The following EXOC6B variants were observed in gnomAD, a reference collection of about 807,000 sequenced individuals.
The protein encoded by EXOC6B is exocyst complex component 6B.
A neutral mutation model predicts 113.5 loss-of-function variants in EXOC6B; 54 were observed. The ratio of observed to expected loss-of-function variants is 0.48; its 90% CI spans 0.38 to 0.60. The LOEUF (loss-of-function observed/expected upper bound fraction) is 0.60. EXOC6B is among the 20% of genes least tolerant of loss of function. The probability of loss-of-function intolerance (pLI) is 0.00; values close to 1 mark genes in which losing one functional copy is unlikely to be tolerated. For synonymous variants in EXOC6B, 357 were observed against 339.0 expected (o/e 1.05, Z -0.58); for missense variants, 797 against 977.5 (o/e 0.82, Z 2.46).
chr2:72,328,910 A>T (rs948899492), intron 20 of EXOC6B, among the ~76,000 whole-genome samples: 2 of 152,062 alleles, frequency 1.3e-5, no homozygotes, highest in African/African-American at 4.8e-5. Flanking sequence ...TAGTAATGAC[A>T]TCTTCTAATT....
At chr2:72,472,863 T>C (rs935738818) in intron 17 of EXOC6B, among the ~76,000 whole-genome samples, 1 of 152,172 alleles carries the variant, frequency 6.6e-6, no homozygotes, top group Non-Finnish European at 1.5e-5. Flanking sequence ...GTCCCACAGG[T>C]TGTGATATGT....
At chr2:72,423,892 T>C (rs945530748) in intron 18 of EXOC6B, among the ~76,000 whole-genome samples, 2 of 152,240 alleles carry the variant, frequency 1.3e-5, no homozygotes, top group Non-Finnish European at 2.9e-5. Flanking sequence ...ATTTCTTCAT[T>C]ACACATTACT....
intron 20 of EXOC6B, among the ~76,000 whole-genome samples, chr2:72,212,541 T>C (rs922981462): frequency 6.6e-6 from 1 of 152,158 alleles, no homozygotes; most frequent in African/African-American, 2.4e-5. Flanking sequence ...GAGTGCATAA[T>C]AAAACGCCTT....
intron 1 of EXOC6B, among the ~76,000 whole-genome samples, chr2:72,807,498 A>T (rs1298209880): frequency 1.3e-5 from 2 of 152,158 alleles, no homozygotes; most frequent in Non-Finnish European, 2.9e-5. Flanking sequence ...TGCTTTTGCT[A>T]TTCAGGCTCC....
chr2:72,766,911 C>CACT (rs1322060582), intron 1 of EXOC6B, among the ~76,000 whole-genome samples: 6 of 145,436 alleles, frequency 4.1e-5, no homozygotes, highest in Admixed American at 2.7e-4. Flanking sequence ...CCGAGATCAC[C>CACT]ACTGCCCTCC....
chr2:72,812,327 A>C (rs889630568), intron 1 of EXOC6B, among the ~76,000 whole-genome samples: 1 of 152,252 alleles, frequency 6.6e-6, no homozygotes, highest in African/African-American at 2.4e-5. Context: ...AAATCTAACA[A>C]AATATGTGCC....
chr2:72,411,163 G>C (rs1259904405), intron 18 of EXOC6B, among the ~76,000 whole-genome samples: 1 of 152,174 alleles, frequency 6.6e-6, no homozygotes, highest in East Asian at 1.9e-4. Context: ...AGTGAGCTGT[G>C]ATTGTGCCAC....
At chr2:72,586,957 G>A (rs952925080) in intron 6 of EXOC6B, among the ~76,000 whole-genome samples, 1 of 152,166 alleles carries the variant, frequency 6.6e-6, no homozygotes, top group African/African-American at 2.4e-5. Flanking sequence ...CTTATACATT[G>A]TTGGTGGGAA....
intron 20 of EXOC6B, among the ~76,000 whole-genome samples, chr2:72,324,007 G>C (rs1298290517): frequency 2.0e-5 from 3 of 149,632 alleles, no homozygotes; most frequent in South Asian, 2.1e-4. Flanking sequence ...AGAGAAAGCA[G>C]GATTTAAAAA....
At chr2:72,490,647 T>C in intron 16 of EXOC6B, among the ~76,000 whole-genome samples, 1 of 152,134 alleles carries the variant, frequency 6.6e-6, no homozygotes, top group East Asian at 1.9e-4. Context: ...ATACTGAAAG[T>C]ATAGTTCCCT....
chr2:72,327,431 C>A (rs1240343943), intron 20 of EXOC6B, among the ~76,000 whole-genome samples: 1 of 152,042 alleles, frequency 6.6e-6, no homozygotes, highest in Non-Finnish European at 1.5e-5. Flanking sequence ...TTCCTAATCT[C>A]CTGAAACAAT....
chr2:72,516,855 C>T lies in EXOC6B; in HGVS notation c.916-1729G>A, dbSNP rs557380672. Among the ~76,000 whole-genome samples, 17 of 152,186 alleles carry T rather than the reference C, an allele frequency of 1.1e-4. No homozygotes were observed. The South Asian group carries it at 1.7e-3, about 15-fold the overall frequency. On this transcript the variant is annotated intron_variant, in intron 8 of 21. Coordinates refer to ENST00000272427, the MANE Select transcript of EXOC6B (RefSeq NM_015189.3). Reference sequence around the variant, plus strand: ...CTCTTAGAACAGTATCTCATGCAAGCGCTTATTTTAAAAATAAATAAGATA... The same window carrying T: ...CTCTTAGAACAGTATCTCATGCAAGTGCTTATTTTAAAAATAAATAAGATA...
At chr2:72,545,501 T>C (rs1319446807) in intron 8 of EXOC6B, among the ~76,000 whole-genome samples, 2 of 152,168 alleles carry the variant, frequency 1.3e-5, no homozygotes, top group Admixed American at 6.5e-5. Context: ...ACAGTGCTTC[T>C]GGTAAAAATG....
At chr2:72,791,086 G>C (rs1057198859) in intron 1 of EXOC6B, among the ~76,000 whole-genome samples, 1 of 152,074 alleles carries the variant, frequency 6.6e-6, no homozygotes, top group Non-Finnish European at 1.5e-5. Context: ...ATAAATTATT[G>C]AAATTTCAAT....
intron 20 of EXOC6B, among the ~76,000 whole-genome samples, chr2:72,228,168 T>C (rs1196557670): frequency 6.6e-6 from 1 of 152,122 alleles, no homozygotes; most frequent in East Asian, 1.9e-4. Flanking sequence ...GCTGATGAGG[T>C]ATGGTAGGAC....
intron 1 of EXOC6B, among the ~76,000 whole-genome samples, chr2:72,753,462 C>T (rs1469184976): frequency 6.6e-6 from 1 of 152,206 alleles, no homozygotes; most frequent in South Asian, 2.1e-4. Context: ...GCTCTTTCCC[C>T]TCCCTATTCT....
chr2:72,692,496 C>T (rs563721892), intron 6 of EXOC6B, among the ~76,000 whole-genome samples: 6 of 152,012 alleles, frequency 3.9e-5, no homozygotes, highest in South Asian at 2.1e-4. Flanking sequence ...GGACTACAGG[C>T]GCCCACCACC....
intron 6 of EXOC6B, among the ~76,000 whole-genome samples, chr2:72,581,540 A>T (rs2103865500): frequency 6.6e-6 from 1 of 152,338 alleles, no homozygotes; most frequent in East Asian, 1.9e-4. Context: ...TATTATACTT[A>T]GGACCTTTTT....
intron 21 of EXOC6B, among the ~76,000 whole-genome samples, chr2:72,182,311 C>A (rs982962366): frequency 6.6e-6 from 1 of 151,950 alleles, no homozygotes; most frequent in Non-Finnish European, 1.5e-5. Context: ...TTCCTGGGAA[C>A]GGAGGAGTAA....
Sources: allele counts gnomAD v4.1 joint callset (sites outside exome capture counted in the v4.1 genomes callset), GRCh38; gene constraint gnomAD v4.1.1; transcripts MANE v1.5; gene names NCBI Gene and HGNC (gene_info 2026-07-23, HGNC 2026-07-21).